Variants in ANKRD46 observed in about 807,000 individuals in gnomAD.
The protein encoded by ANKRD46 is ankyrin repeat domain-containing protein 46.
ANKRD46 carries 13 observed loss-of-function variants against 19.8 expected under a neutral mutation model. That is an observed-to-expected ratio of 0.66 (90% CI 0.43 to 1.04). The LOEUF (loss-of-function observed/expected upper bound fraction) is 1.04. ANKRD46 is among the 50% of genes least tolerant of loss of function. ANKRD46 has a pLI of 0.00. For synonymous variants in ANKRD46, 91 were observed against 106.9 expected (o/e 0.85, Z 0.92); for missense variants, 185 against 274.8 (o/e 0.67, Z 2.31).
intron 1 of ANKRD46, chr8:100,551,618 G>C (rs964345061): frequency 1.1e-5 from 8 of 733,142 alleles, no homozygotes; most frequent in Non-Finnish European, 1.9e-5. Context: ...GTCATTGATG[G>C]TGACAATATC....
downstream of ANKRD46, among the ~76,000 whole-genome samples, chr8:100,518,295 C>A (rs1391657726): frequency 6.6e-6 from 1 of 152,066 alleles, no homozygotes; most frequent in Admixed American, 6.6e-5. Flanking sequence ...GTAATAGAAA[C>A]ACAAAATAAA....
rs936692131 is a variant in ANKRD46, at chr8:100,521,988, GTTTT to G, written c.*563_*566del. 2.0e-6 allele frequency: 2 copies of G among 984,018 alleles called. No individual in the cohort carries two copies. Among genetic ancestry groups the G allele is most frequent in the Admixed American group, 1.2e-4 (2 of 16,284 alleles). 61.0% of individuals were successfully genotyped at this position (984,018 alleles called of 1,614,324 possible). ...AACAAAATATAGCTCATTTTCAAAA[GTTTT>G]GTTTGGTTTGTGACTAGACTTAAAA... On this transcript the variant is annotated 3_prime_UTR_variant, in exon 5 of 5. Coordinates refer to ENST00000335659, the MANE Select transcript of ANKRD46 (RefSeq NM_001270377.2).
At chr8:100,519,048 G>A (rs1811680687), downstream of ANKRD46, among the ~76,000 whole-genome samples, 1 of 152,150 alleles carries the variant, frequency 6.6e-6, no homozygotes. Flanking sequence ...CCCATGCACT[G>A]TGGGATGTAA....
chr8:100,518,864 T>A (rs76833261), downstream of ANKRD46, among the ~76,000 whole-genome samples: 19 of 110,816 alleles, frequency 1.7e-4, no homozygotes, highest in South Asian at 1.7e-3. Flanking sequence ...AAAAAAAAAA[T>A]AAATAAAATA....
rs982092867 is a variant in ANKRD46, at chr8:100,522,745, T to G, written c.497A>C (p.Asn166Thr). 1 of 1,613,834 alleles carries G rather than the reference T, an allele frequency of 6.2e-7. No homozygotes were observed. The highest frequency in any genetic ancestry group is 8.5e-7 in the Non-Finnish European group (1 of 1,179,976). Residue 166 changes from asparagine (N) to threonine (T), a missense_variant, in exon 5 of 5, where the codon AAT (asparagine) becomes ACT (threonine). Asn to Thr is a moderately conservative substitution (Grantham distance 65). Coordinates refer to ENST00000335659, the MANE Select transcript of ANKRD46 (RefSeq NM_001270377.2). ...ESAMESHSLL[N>T]PNLQQGEGVL... ...TCCTTCACCTTGCTGCAGGTTGGGA[T>G]TGAGGAGTGAATGGCTTTCCATGGC...
rs576435981 is a variant in ANKRD46, at chr8:100,542,963, T to C, written c.-130-9652A>G. On this transcript the variant is annotated intron_variant, in intron 1 of 4. Transcript: ENST00000335659. ...GGCCTCTACACACAGCCTCTCCTAT[T>C]AAAATGGTAATCTGTGAGTTAGCTC... Among the ~76,000 whole-genome samples, 32 of 152,214 alleles carry C rather than the reference T, an allele frequency of 2.1e-4. No homozygotes were observed. In the South Asian group the frequency reaches 6.6e-3, roughly 32 times the overall value.
Position 100,543,501 on chromosome 8 carries a change from C to T in ANKRD46, c.-130-10190G>A, listed in dbSNP as rs958899125. Among the ~76,000 whole-genome samples, 3 of 152,270 alleles carry T rather than the reference C, an allele frequency of 2.0e-5. No homozygotes were observed. Among genetic ancestry groups the T allele is most frequent in the Non-Finnish European group, 1.5e-5 (1 of 68,010 alleles). Reference sequence around the variant, plus strand: ...AAAGTTTGAACAACTGCTAAACTTTCGTCCTTGTACTCAAGAGAACTACAG... The same window carrying T: ...AAAGTTTGAACAACTGCTAAACTTTTGTCCTTGTACTCAAGAGAACTACAG... On this transcript the variant is annotated intron_variant, in intron 1 of 4. Coordinates refer to ENST00000335659, the MANE Select transcript of ANKRD46 (RefSeq NM_001270377.2). This position sits in a 1 kb window ranked among gnomAD's most constrained non-coding sequence, Gnocchi z 4.2.
Position 100,544,970 on chromosome 8 carries a change from T to C in ANKRD46, c.-130-11659A>G, listed in dbSNP as rs1184282225. On this transcript the variant is annotated intron_variant, in intron 1 of 4. Transcript: ENST00000335659. The surrounding 1 kb of genome is among the most constrained non-coding windows in gnomAD (Gnocchi z 4.4). ...GTACACTGGCACATGAGTATGTACATAGGGCAGATCAACAGTCCCAAATGG... is the reference window on the plus strand; with the variant it reads ...GTACACTGGCACATGAGTATGTACACAGGGCAGATCAACAGTCCCAAATGG... Among the ~76,000 whole-genome samples the C allele has an allele frequency of 6.6e-6, 1 of 152,190 alleles. No homozygotes were observed. Among genetic ancestry groups the C allele is most frequent in the Non-Finnish European group, 1.5e-5 (1 of 68,016 alleles).
rs746946951 is a variant in ANKRD46 at position 100,528,005 on chromosome 8, TAA to T, written c.312-4_312-3del. The T allele has an allele frequency of 0.04, 43,971 of 1,100,124 alleles. No homozygotes were observed. Among genetic ancestry groups the T allele is most frequent in the South Asian group, 0.047 (1,510 of 32,000 alleles). 68.1% of individuals were successfully genotyped at this position (1,100,124 alleles called of 1,614,324 possible). A position where few individuals can be genotyped will look rare whatever the true frequency, so the allele number is the denominator to read the frequency against. Reference sequence around the variant, plus strand: ...AAAGGGGTAGCACCTTGATGATTGCTAAAAAAAAAAAAAAAAAAAAAAGTTTA... The same window carrying T: ...AAAGGGGTAGCACCTTGATGATTGCTAAAAAAAAAAAAAAAAAAAAGTTTA... On this transcript the variant is annotated splice_region_variant and splice_polypyrimidine_tract_variant and intron_variant, in intron 3 of 4. Coordinates refer to ENST00000335659, the MANE Select transcript of ANKRD46 (RefSeq NM_001270377.2).
At chr8:100,519,853 G>T (rs575895641), downstream of ANKRD46, among the ~76,000 whole-genome samples, 2 of 152,130 alleles carry the variant, frequency 1.3e-5, no homozygotes, top group South Asian at 4.2e-4. Context: ...TTGTTGCGGG[G>T]GATGCATAAA....
In ANKRD46 at chr8:100,527,467, G is replaced by C. The variant is rs1811863556; in HGVS notation, c.470+378C>G. Among the ~76,000 whole-genome samples, 1 of 152,002 alleles carries C rather than the reference G, an allele frequency of 6.6e-6. No individual in the cohort carries two copies. The highest frequency in any genetic ancestry group is 1.5e-5 in the Non-Finnish European group (1 of 68,014). ...CTGTACTTAAAATCATCAAGCTCCG[G>C]CTTCCTCCCCTCAGATTCATTTGTT... On this transcript the variant is annotated intron_variant, in intron 4 of 4. Coordinates refer to ENST00000335659, the MANE Select transcript of ANKRD46 (RefSeq NM_001270377.2). The surrounding 1 kb of genome is among the most constrained non-coding windows in gnomAD (Gnocchi z 4.0).
At position 100,510,014 on chromosome 8, in the gene ANKRD46, G is replaced by A. The variant is rs1293173546; in HGVS notation, c.*563C>T. The A allele has an allele frequency of 6.6e-6, 1 of 152,436 alleles. No individual in the cohort carries two copies. Among genetic ancestry groups the A allele is most frequent in the Admixed American group, 6.5e-5 (1 of 15,290 alleles). The allele number at this position is 152,436 out of a possible 1,614,324, so 9.4% of individuals were successfully genotyped here. ...CCGGTGGCCATGGGTGGGAGTGAAGGGGCTCAGCCTTAGGGGCGGGAAGTC... is the reference window on the plus strand; with the variant it reads ...CCGGTGGCCATGGGTGGGAGTGAAGAGGCTCAGCCTTAGGGGCGGGAAGTC... On this transcript the variant is annotated 3_prime_UTR_variant, in exon 6 of 6. Coordinates refer to the ANKRD46 transcript ENST00000520552. The surrounding 1 kb of genome is among the most constrained non-coding windows in gnomAD (Gnocchi z 4.9).
chr8:100,529,700 C>A lies in ANKRD46; in HGVS notation c.134G>T (p.Gly45Val). 1 of 1,614,242 alleles carries A rather than the reference C, an allele frequency of 6.2e-7. No individual in the cohort carries two copies. Among genetic ancestry groups the A allele is most frequent in the Non-Finnish European group, 8.5e-7 (1 of 1,180,048 alleles). Reference sequence around the variant, plus strand: ...TGCTGCAAGGTGAAGGCCTGTTCTGCCCCTGCTGTCACGAATATTTGGGTC... The same window carrying A: ...TGCTGCAAGGTGAAGGCCTGTTCTGACCCTGCTGTCACGAATATTTGGGTC... The part of the protein sequence containing the change: ...GFDPNIRDSR[G>V]RTGLHLAAAR... The change falls in exon 3 of 5, where the codon GGC (glycine) becomes GTC (valine). Residue 45 changes from glycine (G) to valine (V), a missense_variant. Coordinates refer to ENST00000335659, the MANE Select transcript of ANKRD46 (RefSeq NM_001270377.2). This position sits in a 1 kb window ranked among gnomAD's most constrained non-coding sequence, Gnocchi z 5.8.
rs1369947952 is a variant in ANKRD46 at position 100,521,695 on chromosome 8, T to C, written c.*860A>G. ...TGACAACACAGCTAGCTTATAGAACTGAGTTTTTCACTATAATAGCACTAC... is the reference window on the plus strand; with the variant it reads ...TGACAACACAGCTAGCTTATAGAACCGAGTTTTTCACTATAATAGCACTAC... On this transcript the variant is annotated 3_prime_UTR_variant, in exon 5 of 5. Transcript: ENST00000335659. The C allele has an allele frequency of 1.0e-6, 1 of 985,298 alleles. No homozygotes were observed. The highest frequency in any genetic ancestry group is 1.2e-6 in the Non-Finnish European group (1 of 829,914). 61.0% of individuals were successfully genotyped at this position (985,298 alleles called of 1,614,324 possible).
At chr8:100,517,710 G>C (rs1457281877), downstream of ANKRD46, among the ~76,000 whole-genome samples, 3 of 152,232 alleles carry the variant, frequency 2.0e-5, no homozygotes, top group Admixed American at 2.0e-4. Flanking sequence ...TCTACTTGGA[G>C]CACAAAGGAA....
chr8:100,519,701 G>A (rs1396460363), downstream of ANKRD46, among the ~76,000 whole-genome samples: 1 of 152,186 alleles, frequency 6.6e-6, no homozygotes, highest in East Asian at 1.9e-4. Context: ...ACACGAAGTG[G>A]TAAACCTGTG....
intron 1 of ANKRD46, among the ~76,000 whole-genome samples, chr8:100,535,586 C>T (rs1352539268): frequency 1.3e-5 from 2 of 152,190 alleles, no homozygotes; most frequent in African/African-American, 4.8e-5. Flanking sequence ...ACCTAGAAAA[C>T]ACTACCTAGT....
In ANKRD46 at chr8:100,521,841, T is replaced by C. The variant is rs1406181454; in HGVS notation, c.*714A>G. On this transcript the variant is annotated 3_prime_UTR_variant, in exon 5 of 5. Coordinates refer to ENST00000335659, the MANE Select transcript of ANKRD46 (RefSeq NM_001270377.2). Reference sequence around the variant, plus strand: ...TTGATGACTAGGATACTCGGGAAAATTGGAAAGTGAACAAAATGAACTCAT... The same window carrying C: ...TTGATGACTAGGATACTCGGGAAAACTGGAAAGTGAACAAAATGAACTCAT... The C allele has an allele frequency of 5.1e-6, 5 of 985,068 alleles. No individual in the cohort carries two copies. The highest frequency in any genetic ancestry group is 1.7e-5 in the African/African-American group (1 of 57,192). The allele number at this position is 985,068 out of a possible 1,614,324, so 61.0% of individuals were successfully genotyped here.
rs777810799 is a variant in ANKRD46 at position 100,528,005 on chromosome 8, T to TTA, written c.312-3_312-2insTA. 73 of 1,165,704 alleles carry TTA rather than the reference T, an allele frequency of 6.3e-5. No individual in the cohort carries two copies. The African/African-American group carries it at 1.5e-3, about 24-fold the overall frequency. The allele number at this position is 1,165,704 out of a possible 1,614,324, so 72.2% of individuals were successfully genotyped here. A position where few individuals can be genotyped will look rare whatever the true frequency, so the allele number is the denominator to read the frequency against. On this transcript the variant is annotated splice_region_variant and splice_polypyrimidine_tract_variant and intron_variant, in intron 3 of 4. Coordinates refer to ENST00000335659, the MANE Select transcript of ANKRD46 (RefSeq NM_001270377.2). ...AAAGGGGTAGCACCTTGATGATTGCTAAAAAAAAAAAAAAAAAAAAAAGTT... is the reference window on the plus strand; with the variant it reads ...AAAGGGGTAGCACCTTGATGATTGCTTAAAAAAAAAAAAAAAAAAAAAAAGTT...
Sources: allele counts gnomAD v4.1 joint callset (sites outside exome capture counted in the v4.1 genomes callset), GRCh38; gene constraint gnomAD v4.1.1; non-coding constraint Gnocchi (gnomAD v3.1); transcripts MANE v1.5; gene names NCBI Gene and HGNC (gene_info 2026-07-23, HGNC 2026-07-21).